ZNF385D: variants seen among roughly 807,000 people sequenced by gnomAD.
ZNF385D encodes zinc finger protein 385D.
In ZNF385D, 15 loss-of-function variants were observed where a neutral mutation model predicts 35.8. The ratio of observed to expected loss-of-function variants is 0.42; its 90% confidence interval spans 0.28 to 0.64. ZNF385D has a LOEUF of 0.64. Among genes scored for constraint, ZNF385D ranks in the 30% least tolerant of loss-of-function variants. ZNF385D has a pLI of 0.23. For synonymous variants in ZNF385D, 212 were observed against 186.8 expected (o/e 1.13, Z -1.10); for missense variants, 474 against 494.6 (o/e 0.96, Z 0.39).
At chr3:21,534,773 G>A (rs1036168226) in intron 3 of ZNF385D, among the ~76,000 whole-genome samples, 6 of 152,030 alleles carry the variant, frequency 3.9e-5, no homozygotes, top group Non-Finnish European at 8.8e-5. Flanking sequence ...TTGAGGCAAC[G>A]GTTCATGAAA....
chr3:21,998,830 T>A (rs1314122754), intron 3 of ZNF385D, among the ~76,000 whole-genome samples: 2 of 152,196 alleles, frequency 1.3e-5, no homozygotes, highest in Admixed American at 6.5e-5. Flanking sequence ...GAGTTTGTTG[T>A]AACATACGCA....
chr3:21,809,637 C>CACATAT (rs759953513), intron 3 of ZNF385D, among the ~76,000 whole-genome samples: 249 of 135,902 alleles, frequency 1.8e-3, no homozygotes, highest in African/African-American at 5.7e-3. Context: ...CACATATATA[C>CACATAT]ACATATACAT....
At chr3:21,598,199 T>C (rs992404328) in intron 2 of ZNF385D, among the ~76,000 whole-genome samples, 2 of 152,172 alleles carry the variant, frequency 1.3e-5, no homozygotes, top group African/African-American at 4.8e-5. Flanking sequence ...ACGGTATCTA[T>C]AAAGATATAC....
intron 3 of ZNF385D, among the ~76,000 whole-genome samples, chr3:22,160,721 C>G (rs10513637): frequency 0.21 from 31,497 of 152,012 alleles, 3,437 homozygotes; most frequent in East Asian, 0.35. Context: ...CTCTAGAATA[C>G]TTGCAGATAA....
At chr3:21,582,306 TAAAACAAAAACTGATGGAG>T (rs796082686) in intron 2 of ZNF385D, among the ~76,000 whole-genome samples, 8 of 152,252 alleles carry the variant, frequency 5.3e-5, no homozygotes, top group African/African-American at 1.9e-4. Flanking sequence ...ACACATTAAA[TAAAACAAAAACTGATGGAG>T]AAAACTAAAC....
chr3:21,735,642 C>G (rs753202521), intron 1 of ZNF385D, among the ~76,000 whole-genome samples: 15 of 152,318 alleles, frequency 9.8e-5, no homozygotes, highest in Admixed American at 2.6e-4. Flanking sequence ...TTCTACACAG[C>G]ATTCCTAATT....
At chr3:21,427,704 T>C (rs1701084606) in intron 5 of ZNF385D, among the ~76,000 whole-genome samples, 2 of 152,188 alleles carry the variant, frequency 1.3e-5, no homozygotes, top group African/African-American at 4.8e-5. Flanking sequence ...ATCTATGTCA[T>C]GTTTTTTAGA....
chr3:21,670,703 G>A (rs1030533934), intron 1 of ZNF385D, among the ~76,000 whole-genome samples: 2 of 99,542 alleles, frequency 2.0e-5, no homozygotes, highest in East Asian at 6.0e-4. Context: ...TTTGGCCAAG[G>A]AGAACCCAAA....
chr3:21,643,510 G>C (rs2125862639), intron 2 of ZNF385D, among the ~76,000 whole-genome samples: 1 of 152,216 alleles, frequency 6.6e-6, no homozygotes, highest in South Asian at 2.1e-4. Flanking sequence ...AAAAACATAT[G>C]TCTGCATGAG....
At chr3:22,085,994 A>C (rs1233939355) in intron 3 of ZNF385D, among the ~76,000 whole-genome samples, 2 of 152,216 alleles carry the variant, frequency 1.3e-5, no homozygotes, top group East Asian at 3.8e-4. Context: ...CTTCGACAAA[A>C]TTCAACAACA....
At chr3:21,909,322 C>T (rs1263665848) in intron 3 of ZNF385D, among the ~76,000 whole-genome samples, 2 of 151,990 alleles carry the variant, frequency 1.3e-5, no homozygotes, top group African/African-American at 4.8e-5. Context: ...AGCAAAAGTT[C>T]ATGTAACAAC....
At chr3:22,046,722 T>C (rs1045483932) in intron 3 of ZNF385D, among the ~76,000 whole-genome samples, 1 of 152,134 alleles carries the variant, frequency 6.6e-6, no homozygotes, top group Non-Finnish European at 1.5e-5. Context: ...CTAAACTAGG[T>C]AGAGTTGAGT....
rs1182659694 is a variant in ZNF385D, at chr3:21,664,896, T to A, written c.155A>T (p.Asn52Ile). The change falls in exon 2 of 8, where the codon AAT becomes ATT. Residue 52 changes from asparagine (N) to isoleucine (I), a missense_variant. Physicochemically the swap from Asn to Ile is moderately radical, Grantham distance 149. Coordinates refer to ENST00000281523, the MANE Select transcript of ZNF385D (RefSeq NM_024697.3). ...TTGGCAGGTACTTACCGCATTGAAA[T>A]TGGGGAAGAGGTTGACTGCAGCTGC... ...DTAAAVNLFP[N>I]FNAMDPIQKA... is the part of the protein sequence containing the mutation. 6.2e-7 allele frequency: 1 copy of A among 1,613,512 alleles called. No individual in the cohort carries two copies. Among genetic ancestry groups the A allele is most frequent in the East Asian group, 2.2e-5 (1 of 44,862 alleles).
intron 4 of ZNF385D, among the ~76,000 whole-genome samples, chr3:21,462,057 C>T (rs1438017983): frequency 3.3e-5 from 5 of 152,208 alleles, no homozygotes; most frequent in East Asian, 1.9e-4. Context: ...ATATTTTCAT[C>T]GCTGAAGTTT....
At chr3:21,759,006 A>C (rs35459320) in intron 3 of ZNF385D, among the ~76,000 whole-genome samples, 5 of 136,410 alleles carry the variant, frequency 3.7e-5, no homozygotes, top group African/African-American at 1.4e-4. Context: ...AAAAAAAAAA[A>C]CAGTGGTGAT....
Position 21,971,809 on chromosome 3 carries a change from G to A in ZNF385D, c.325+197008C>T, listed in dbSNP as rs866086634. On this transcript the variant is annotated intron_variant, in intron 3 of 5. Transcript: ENST00000494108. ...CACTGAAAGCCAAAAAAGAGCAGGA[G>A]TGGCTATCCTTATATTAGACAAAAT... Among the ~76,000 whole-genome samples, 9 of 152,000 alleles carry A rather than the reference G, an allele frequency of 5.9e-5. No homozygotes were observed. The Middle Eastern group carries it at 0.014, about 230-fold the overall frequency.
At chr3:21,910,664 G>A (rs528628549) in intron 3 of ZNF385D, among the ~76,000 whole-genome samples, 80 of 151,838 alleles carry the variant, frequency 5.3e-4, no homozygotes, top group African/African-American at 1.9e-3. Context: ...GAACAGACAT[G>A]ATTGATAGGT....
intron 4 of ZNF385D, among the ~76,000 whole-genome samples, chr3:21,446,952 T>G (rs149224559): frequency 0.011 from 1,695 of 152,298 alleles, 84 homozygotes; most frequent in Admixed American, 0.085. Context: ...TAAACTTTTC[T>G]CTCCCTAAAT....
At chr3:21,487,609 G>A (rs1038845973) in intron 4 of ZNF385D, among the ~76,000 whole-genome samples, 1 of 151,970 alleles carries the variant, frequency 6.6e-6, no homozygotes, top group African/African-American at 2.4e-5. Flanking sequence ...TTTGATTGAG[G>A]AATGAGAATC....
Sources: allele counts gnomAD v4.1 joint callset (sites outside exome capture counted in the v4.1 genomes callset), GRCh38; gene constraint gnomAD v4.1.1; transcripts MANE v1.5; gene names NCBI Gene and HGNC (gene_info 2026-07-23, HGNC 2026-07-21).